DYNC1I1: variants seen among roughly 807,000 people sequenced by gnomAD.
The protein encoded by DYNC1I1 is cytoplasmic dynein 1 intermediate chain 1.
In DYNC1I1, 43 loss-of-function variants were observed where a neutral mutation model predicts 86.6. The observed-to-expected ratio is 0.50, with a 90% CI of 0.39 to 0.64. The LOEUF (loss-of-function observed/expected upper bound fraction) is 0.64, where lower values mean the gene tolerates loss of function less well. DYNC1I1 is among the 30% of genes least tolerant of loss of function. The pLI is 0.00. For missense variants in DYNC1I1, 604 were observed against 788.8 expected (o/e 0.77, Z 2.81); for synonymous variants, 262 against 283.7 (o/e 0.92, Z 0.77).
At chr7:95,995,177 G>C (rs370122908) in intron 9 of DYNC1I1, among the ~76,000 whole-genome samples, 17 of 152,032 alleles carry the variant, frequency 1.1e-4, no homozygotes, top group East Asian at 7.7e-4. Flanking sequence ...AACCCCTGAG[G>C]TGGAGCTTGT....
At chr7:96,008,582 G>T (rs1794197978) in intron 10 of DYNC1I1, among the ~76,000 whole-genome samples, 2 of 152,112 alleles carry the variant, frequency 1.3e-5, no homozygotes, top group Admixed American at 1.3e-4. Flanking sequence ...AGTTTCCATA[G>T]TAGAAAATTA....
chr7:95,856,718 C>T (rs1789733317), intron 5 of DYNC1I1, among the ~76,000 whole-genome samples: 1 of 152,144 alleles, frequency 6.6e-6, no homozygotes, highest in Admixed American at 6.6e-5. Flanking sequence ...TGGTGGCTCA[C>T]GCCTGTAATC....
chr7:96,087,280 CAA>C lies in DYNC1I1; in HGVS notation c.1776+6793_1776+6794del, dbSNP rs141087079. Among the ~76,000 whole-genome samples the C allele has an allele frequency of 5.6e-3, 852 of 152,308 alleles. 7 individuals are homozygous for C. The highest frequency in any genetic ancestry group is 0.02 in the African/African-American group (813 of 41,576). On this transcript the variant is annotated intron_variant, in intron 16 of 16. Transcript: ENST00000447467. Reference sequence around the variant, plus strand: ...CTTAGATTTGGGAGGTTAATTCAAACAAGAGTCCCTTAATAAAAAGAACTGCA... The same window carrying C: ...CTTAGATTTGGGAGGTTAATTCAAACGAGTCCCTTAATAAAAAGAACTGCA...
At chr7:95,951,206 C>T (rs993191096) in intron 6 of DYNC1I1, among the ~76,000 whole-genome samples, 2 of 152,214 alleles carry the variant, frequency 1.3e-5, no homozygotes, top group Non-Finnish European at 2.9e-5. Flanking sequence ...GGCTCCAGCT[C>T]TCTTCCTTAT....
chr7:95,874,856 A>G (rs1234017257), intron 6 of DYNC1I1, among the ~76,000 whole-genome samples: 2 of 152,196 alleles, frequency 1.3e-5, no homozygotes, highest in African/African-American at 2.4e-5. Context: ...AGTTTATGCT[A>G]TTTTTCATGG....
chr7:95,847,705 C>T (rs111607790), intron 5 of DYNC1I1, among the ~76,000 whole-genome samples: 183 of 152,228 alleles, frequency 1.2e-3, no homozygotes, highest in African/African-American at 4.2e-3. Flanking sequence ...CAAATCAAAA[C>T]TTATATTCTG....
chr7:95,936,601 A>G (rs1792047208), intron 6 of DYNC1I1, among the ~76,000 whole-genome samples: 1 of 152,030 alleles, frequency 6.6e-6, no homozygotes, highest in Non-Finnish European at 1.5e-5. Context: ...AAAAAAGAGT[A>G]CTGTAATTAG....
downstream of DYNC1I1, among the ~76,000 whole-genome samples, chr7:96,100,799 GT>G (rs1417876165): frequency 6.6e-6 from 1 of 152,018 alleles, no homozygotes; most frequent in Non-Finnish European, 1.5e-5. Flanking sequence ...AAATGTCTGA[GT>G]TGCCCTGGTA....
chr7:96,024,197 T>C (rs969444217), intron 10 of DYNC1I1, among the ~76,000 whole-genome samples: 8 of 152,194 alleles, frequency 5.3e-5, no homozygotes, highest in Non-Finnish European at 1.2e-4. Context: ...TAGTTAACAT[T>C]ATTGAAAGAT....
intron 6 of DYNC1I1, among the ~76,000 whole-genome samples, chr7:95,925,176 T>C (rs1355587725): frequency 6.6e-6 from 1 of 152,194 alleles, no homozygotes; most frequent in African/African-American, 2.4e-5. Flanking sequence ...GCTGGGATGG[T>C]TCATGTAAGT....
At chr7:95,871,891 T>G (rs1474089343) in intron 6 of DYNC1I1, among the ~76,000 whole-genome samples, 1 of 152,202 alleles carries the variant, frequency 6.6e-6, no homozygotes, top group Non-Finnish European at 1.5e-5. Flanking sequence ...TGAAGGGCAT[T>G]TACATGGTTC....
At chr7:96,036,291 A>G (rs867551920) in intron 13 of DYNC1I1, among the ~76,000 whole-genome samples, 20 of 152,280 alleles carry the variant, frequency 1.3e-4, no homozygotes, top group African/African-American at 4.8e-4. Context: ...CACTCTTCCA[A>G]GGAATATTTA....
At chr7:95,963,291 G>A (rs927250743) in intron 6 of DYNC1I1, among the ~76,000 whole-genome samples, 4 of 152,086 alleles carry the variant, frequency 2.6e-5, no homozygotes, top group Non-Finnish European at 5.9e-5. Flanking sequence ...CTCTTCTGAT[G>A]TAGATATTTA....
intron 10 of DYNC1I1, among the ~76,000 whole-genome samples, chr7:95,996,354 C>T (rs906312482): frequency 3.3e-5 from 5 of 152,206 alleles, no homozygotes; most frequent in Non-Finnish European, 5.9e-5. Flanking sequence ...ATGAAGAAAT[C>T]GTGGTGTACC....
intron 7 of DYNC1I1, among the ~76,000 whole-genome samples, chr7:95,984,412 A>G (rs1793531411): frequency 1.3e-5 from 2 of 152,196 alleles, no homozygotes; most frequent in Non-Finnish European, 2.9e-5. Flanking sequence ...TAATTATTTA[A>G]TATTGCCAGC....
At chr7:95,789,736 G>C (rs1794243977) in intron 1 of DYNC1I1, among the ~76,000 whole-genome samples, 1 of 152,166 alleles carries the variant, frequency 6.6e-6, no homozygotes, top group African/African-American at 2.4e-5. Flanking sequence ...TGGGTGTCAT[G>C]ACATGCAAAA....
At chr7:95,964,040 G>T (rs898964699) in intron 6 of DYNC1I1, among the ~76,000 whole-genome samples, 2 of 152,148 alleles carry the variant, frequency 1.3e-5, no homozygotes, top group Admixed American at 6.6e-5. Context: ...AAAACTTGAC[G>T]TTGAAACCAG....
intron 15 of DYNC1I1, among the ~76,000 whole-genome samples, chr7:96,079,221 C>T (rs1016320482): frequency 4.6e-5 from 7 of 152,010 alleles, no homozygotes; most frequent in South Asian, 2.1e-4. Context: ...AACAAAATGC[C>T]GGTGGTGCTA....
At chr7:96,100,367 C>CTTT (rs1356686634), downstream of DYNC1I1, among the ~76,000 whole-genome samples, 347 of 141,294 alleles carry the variant, frequency 2.5e-3, 1 homozygote, top group African/African-American at 0.01. Flanking sequence ...TTCCTTCCTT[C>CTTT]CTTCCTTCCT....
Sources: gnomAD v4.1 joint callset for allele counts (sites outside exome capture counted in the v4.1 genomes callset) on GRCh38, gnomAD v4.1.1 for gene constraint, MANE v1.5 for transcripts, NCBI Gene and HGNC (gene_info 2026-07-23, HGNC 2026-07-21) for gene names.